Variants in LY75 observed in about 807,000 individuals in gnomAD.
LY75 encodes the protein lymphocyte antigen 75, also known as C-type lectin domain family 13 member B.
LY75 carries 185 observed loss-of-function variants against 231.7 expected under a neutral mutation model. That is an observed-to-expected ratio of 0.80 (90% confidence interval 0.71 to 0.90). LY75 has a LOEUF of 0.90. Ranked by LOEUF, LY75 falls within the 40% of genes least tolerant of loss-of-function variation. LY75 has a pLI of 0.00. For synonymous variants in LY75, 668 were observed against 689.0 expected, an observed-to-expected ratio of 0.97 and a Z score of 0.48; for missense variants, 1,947 against 2,050.2, an observed-to-expected ratio of 0.95 and a Z score of 0.97.
chr2:159,827,935 C>T (rs1443463857), intron 28 of LY75, among the ~76,000 whole-genome samples: 1 of 151,804 alleles, frequency 6.6e-6, no homozygotes, highest in Non-Finnish European at 1.5e-5. Flanking sequence ...GGGAGTGGAA[C>T]ATCACACACT....
chr2:159,818,974 G>A (rs184038941), intron 29 of LY75, among the ~76,000 whole-genome samples: 2 of 152,278 alleles, frequency 1.3e-5, no homozygotes, highest in Admixed American at 1.3e-4. Flanking sequence ...CTGGGAGAAG[G>A]CCTAGAAACT....
chr2:159,849,814 C>T (rs954998058), intron 23 of LY75, among the ~76,000 whole-genome samples, 166 bp downstream of exon 23: 5 of 152,150 alleles, frequency 3.3e-5, no homozygotes, highest in Non-Finnish European at 5.9e-5. Flanking sequence ...TTCCATCCCC[C>T]GTAGCCTCTA....
chr2:159,826,681 G>A (rs1360981967), intron 28 of LY75, among the ~76,000 whole-genome samples: 1 of 152,128 alleles, frequency 6.6e-6, no homozygotes, highest in African/African-American at 2.4e-5. Flanking sequence ...AAAGATGGAG[G>A]CATCATGCTA....
chr2:159,878,847 A>G (rs1685350622), intron 9 of LY75, 126 bp from the exon 10 acceptor site: 1 of 1,008,450 alleles, frequency 9.9e-7, no homozygotes, highest in South Asian at 1.5e-5. Context: ...GGCTATTGAA[A>G]TCATACATGT....
chr2:159,904,094 C>A (rs1409985396), intron 1 of LY75, among the ~76,000 whole-genome samples: 1 of 151,780 alleles, frequency 6.6e-6, no homozygotes, highest in East Asian at 1.9e-4. Flanking sequence ...CTTCCTGATG[C>A]GCACCGTAGG....
At chr2:159,874,624 A>AAATATATATATTTTGTAAATATATATG (rs1206810947) in intron 12 of LY75, among the ~76,000 whole-genome samples, 1 of 32,282 alleles carries the variant, frequency 3.1e-5, no homozygotes, top group African/African-American at 1.5e-4. Flanking sequence ...AAATATATAT[A>AAATATATATATTTTGTAAATATATATG]TAGTAAATAT....
chr2:159,882,691 C>T (rs538308955), intron 6 of LY75, among the ~76,000 whole-genome samples: 85 of 152,310 alleles, frequency 5.6e-4, no homozygotes, highest in African/African-American at 2.0e-3. Context: ...TTAGGTTTCC[C>T]TCCAGTCTCT....
chr2:159,817,302 T>C (rs1683149718), intron 29 of LY75, among the ~76,000 whole-genome samples: 1 of 152,194 alleles, frequency 6.6e-6, no homozygotes, highest in Non-Finnish European at 1.5e-5. Context: ...ATGGCTGAAA[T>C]GATGGCAAAA....
chr2:159,899,074 C>G lies in LY75; in HGVS notation c.95-15G>C. 1 of 1,604,762 alleles carries G rather than the reference C, an allele frequency of 6.2e-7. No individual in the cohort carries two copies. The highest frequency in any genetic ancestry group is 8.5e-7 in the Non-Finnish European group (1 of 1,175,510). On this transcript the variant is annotated splice_polypyrimidine_tract_variant and intron_variant, in intron 1 of 34. Coordinates refer to ENST00000263636, the MANE Select transcript of LY75 (RefSeq NM_002349.4). ...GGGGTCATTAGCTGAGTCAAATGGACAGACAGATTGTAGATTATGTGGTTG... is the reference window on the plus strand; with the variant it reads ...GGGGTCATTAGCTGAGTCAAATGGAGAGACAGATTGTAGATTATGTGGTTG...
At chr2:159,870,167 C>T (rs1264310854) in intron 13 of LY75, among the ~76,000 whole-genome samples, 1 of 152,136 alleles carries the variant, frequency 6.6e-6, no homozygotes, top group Non-Finnish European at 1.5e-5. Context: ...TAGAGCAAAT[C>T]TGGGCCAGGC....
At chr2:159,884,210 C>T (rs986963799) in intron 6 of LY75, among the ~76,000 whole-genome samples, 1 of 152,194 alleles carries the variant, frequency 6.6e-6, no homozygotes, top group Non-Finnish European at 1.5e-5. Context: ...CCTCCCCAGC[C>T]ACGTGAGATT....
intron 20 of LY75, among the ~76,000 whole-genome samples, 167 bp downstream of exon 20, chr2:159,853,106 G>T (rs1684452065): frequency 6.6e-6 from 1 of 152,198 alleles, no homozygotes; most frequent in African/African-American, 2.4e-5. Flanking sequence ...ACAGTGAAAA[G>T]TACCTTTATT....
chr2:159,822,815 T>C (rs889690013), intron 28 of LY75, among the ~76,000 whole-genome samples: 3 of 152,048 alleles, frequency 2.0e-5, no homozygotes, highest in African/African-American at 7.2e-5. Context: ...CCGTGGGTGA[T>C]AACTAGGCAA....
In LY75 at chr2:159,898,815, G is replaced by A. The variant is rs756427782; in HGVS notation, c.339C>T (p.His113=). The part of the protein sequence containing the change: ...SAMLWWKCEH[H]SLYGAARYRL... Reference sequence around the variant, plus strand: ...GGTACCGGGCAGCTCCGTACAGAGAGTGGTGCTCACATTTCCACCACAGCA... The same window carrying A: ...GGTACCGGGCAGCTCCGTACAGAGAATGGTGCTCACATTTCCACCACAGCA... The change falls in exon 2 of 35, where the codon CAC becomes CAT. Residue 113 remains histidine, a synonymous_variant. Transcript: ENST00000263636. The A allele has an allele frequency of 6.2e-6, 10 of 1,614,108 alleles. No individual in the cohort carries two copies. Among genetic ancestry groups the A allele is most frequent in the Middle Eastern group, 1.6e-4 (1 of 6,084 alleles).
chr2:159,863,866 T>C (rs2125862458), intron 14 of LY75, among the ~76,000 whole-genome samples: 1 of 152,310 alleles, frequency 6.6e-6, no homozygotes, highest in East Asian at 1.9e-4. Context: ...TGAAGATGTG[T>C]TCCCACGAGA....
chr2:159,809,427 C>G (rs925146920), intron 32 of LY75, among the ~76,000 whole-genome samples: 1 of 152,110 alleles, frequency 6.6e-6, no homozygotes, highest in African/African-American at 2.4e-5. Context: ...GATGGACAAC[C>G]ATACTACTTT....
intron 2 of LY75, 152 bp downstream of exon 2, chr2:159,898,536 T>C: frequency 7.7e-7 from 1 of 1,299,330 alleles, no homozygotes; most frequent in Non-Finnish European, 1.0e-6. Context: ...TGTAAGAATG[T>C]CGCTCAAAGT....
intron 14 of LY75, among the ~76,000 whole-genome samples, chr2:159,862,595 A>G (rs1684745628): frequency 6.6e-6 from 1 of 152,166 alleles, no homozygotes; most frequent in South Asian, 2.1e-4. Flanking sequence ...TCTTTTCCTT[A>G]CTGCCTATAT....
intron 7 of LY75, among the ~76,000 whole-genome samples, 199 bp downstream of exon 7, chr2:159,881,925 A>G (rs1685448014): frequency 6.6e-6 from 1 of 152,176 alleles, no homozygotes; most frequent in Non-Finnish European, 1.5e-5. Context: ...CTACATGCCA[A>G]CTGCTCAGAA....
Sources: allele counts gnomAD v4.1 joint callset (sites outside exome capture counted in the v4.1 genomes callset), GRCh38; gene constraint gnomAD v4.1.1; transcripts MANE v1.5; gene names NCBI Gene and HGNC (gene_info 2026-07-23, HGNC 2026-07-21).